Variants in MS4A1 observed in about 807,000 individuals in gnomAD.
The protein encoded by MS4A1 is membrane spanning 4-domains A1.
In MS4A1, 16 loss-of-function variants were observed where a neutral mutation model predicts 26.5. The observed-to-expected ratio is 0.60, with a 90% confidence interval of 0.41 to 0.92. MS4A1 has a LOEUF of 0.92. Ranked by LOEUF, MS4A1 falls within the 40% of genes least tolerant of loss-of-function variation. The probability of loss-of-function intolerance (pLI) is 0.00; values close to 1 mark genes in which losing one functional copy is unlikely to be tolerated. For missense variants in MS4A1, 350 were observed against 353.0 expected, an observed-to-expected ratio of 0.99 and a Z score of 0.07; for synonymous variants, 128 against 117.6, an observed-to-expected ratio of 1.09 and a Z score of -0.57.
At position 60,469,364 on chromosome 11, in the gene MS4A1, C is replaced by G. The variant is rs1323022854; in HGVS notation, c.*896C>G. 1.3e-5 allele frequency: 2 copies of G among 152,066 alleles called. No individual in the cohort carries two copies. The highest frequency in any genetic ancestry group is 6.5e-5 in the Admixed American group (1 of 15,282). 9.4% of individuals were successfully genotyped at this position (152,066 alleles called of 1,614,324 possible). A position where few individuals can be genotyped will look rare whatever the true frequency, so the allele number is the denominator to read the frequency against. Reference sequence around the variant, plus strand: ...TCAAAGAGGCCAAATAACTTGTAAACAAGAAAAGGTAACTTGTCAACAGTC... The same window carrying G: ...TCAAAGAGGCCAAATAACTTGTAAAGAAGAAAAGGTAACTTGTCAACAGTC... On this transcript the variant is annotated 3_prime_UTR_variant, in exon 8 of 8. Transcript: ENST00000345732.
intron 5 of MS4A1, among the ~76,000 whole-genome samples, chr11:60,465,001 A>T (rs2086279134): frequency 6.6e-6 from 1 of 152,194 alleles, no homozygotes; most frequent in South Asian, 2.1e-4. Flanking sequence ...CACTGTTACT[A>T]AACTGTGTCA....
At chr11:60,456,432 A>G (rs187469251) in intron 1 of MS4A1, among the ~76,000 whole-genome samples, 322 of 152,262 alleles carry the variant, frequency 2.1e-3, no homozygotes, top group African/African-American at 7.3e-3. Context: ...AATGAAAAAA[A>G]CTCCATTTGT....
At position 60,468,701 on chromosome 11, in the gene MS4A1, G is replaced by A. The variant is rs199983028; in HGVS notation, c.*233G>A. 1.8e-6 allele frequency: 1 copy of A among 549,688 alleles called. No homozygotes were observed. The highest frequency in any genetic ancestry group is 3.2e-6 in the Non-Finnish European group (1 of 308,892). The allele number at this position is 549,688 out of a possible 1,614,324, so 34.1% of individuals were successfully genotyped here. The stretch of plus-strand genomic sequence containing the variant: ...TTTTGAGCAACTTTCTTACACTGAA[G>A]AAAGGCAGAATGAGTGCTTCAGAAT... On this transcript the variant is annotated 3_prime_UTR_variant, in exon 8 of 8. Transcript: ENST00000345732.
chr11:60,466,252 G>A, intron 6 of MS4A1, 95 bp downstream of exon 6: 1 of 994,282 alleles, frequency 1.0e-6, no homozygotes, highest in Non-Finnish European at 1.6e-6. Flanking sequence ...CAGACCACCT[G>A]AGTTTGCTAG....
chr11:60,468,118 C>A, intron 7 of MS4A1, 132 bp from the exon 8 acceptor site: 2 of 823,018 alleles, frequency 2.4e-6, no homozygotes, highest in South Asian at 1.7e-5. Flanking sequence ...AAAATTTTGG[C>A]ATTTAAAGGC....
chr11:60,463,288 C>T (rs1163429137), intron 4 of MS4A1, among the ~76,000 whole-genome samples, 167 bp downstream of exon 4: 3 of 152,016 alleles, frequency 2.0e-5, no homozygotes, highest in African/African-American at 7.2e-5. Flanking sequence ...AGTATAAATC[C>T]CATGGTTGAG....
rs777484464 is a variant in MS4A1 at position 60,466,051 on chromosome 11, G to A, written c.467G>A (p.Arg156Lys). The A allele has an allele frequency of 6.2e-7, 1 of 1,613,796 alleles. No individual in the cohort carries two copies. The highest frequency in any genetic ancestry group is 1.1e-5 in the South Asian group (1 of 91,056). Reference protein sequence around the residue: ...FLKMESLNFIRAHTPYINIYN... With the variant: ...FLKMESLNFIKAHTPYINIYN... ...AAAATGGAGAGTCTGAATTTTATTA[G>A]AGCTCACACACCATATATTAACATA... Residue 156 changes from arginine to lysine, a missense_variant, in exon 6 of 8, where the codon AGA (arginine) becomes AAA (lysine). Transcript: ENST00000345732.
Position 60,468,226 on chromosome 11 carries a change from GGTTT to G in MS4A1, c.676-19_676-16del. On this transcript the variant is annotated intron_variant, in intron 7 of 7. Transcript: ENST00000345732. Reference sequence around the variant, plus strand: ...GGTGTCAGTGGTAAAAGTAAAGAATGGTTTGTTTAATTTTCTGTTTTAGAACATA... The same window carrying G: ...GGTGTCAGTGGTAAAAGTAAAGAATGGTTTAATTTTCTGTTTTAGAACATA... 2 of 1,549,848 alleles carry G rather than the reference GGTTT, an allele frequency of 1.3e-6. No homozygotes were observed. The highest frequency in any genetic ancestry group is 1.8e-6 in the Non-Finnish European group (2 of 1,127,038).
chr11:60,466,880 A>G, intron 6 of MS4A1, 79 bp from the exon 7 acceptor site: 1 of 1,366,672 alleles, frequency 7.3e-7, no homozygotes, highest in Admixed American at 1.7e-5. Flanking sequence ...AATTATAGTC[A>G]ACAATAACTT....
intron 5 of MS4A1, 72 bp downstream of exon 5, chr11:60,464,416 C>T: frequency 7.4e-7 from 1 of 1,350,846 alleles, no homozygotes; most frequent in Admixed American, 1.7e-5. Context: ...AAACTGAGAC[C>T]CTTAAAAAGC....
chr11:60,463,142 C>T, intron 4 of MS4A1, 21 bp downstream of exon 4: 1 of 1,614,062 alleles, frequency 6.2e-7, no homozygotes, highest in Non-Finnish European at 8.5e-7. Context: ...GAATAGCAGC[C>T]ATTTGGGAAA....
At chr11:60,457,592 A>G (rs1234533360) in intron 1 of MS4A1, among the ~76,000 whole-genome samples, 2 of 152,216 alleles carry the variant, frequency 1.3e-5, no homozygotes, top group Non-Finnish European at 2.9e-5. Flanking sequence ...TGACTGACCA[A>G]CAGCCAAGAT....
At chr11:60,459,671 T>C (rs2086232257) in intron 1 of MS4A1, among the ~76,000 whole-genome samples, 1 of 152,146 alleles carries the variant, frequency 6.6e-6, no homozygotes, top group South Asian at 2.1e-4. Flanking sequence ...TCTTGTAGAG[T>C]GGCTTGTTGT....
chr11:60,459,519 C>T (rs2086231110), intron 1 of MS4A1, among the ~76,000 whole-genome samples: 1 of 152,192 alleles, frequency 6.6e-6, no homozygotes, highest in African/African-American at 2.4e-5. Context: ...AAATTCTATA[C>T]CCAGACTGCA....
chr11:60,466,844 C>A, intron 6 of MS4A1, 115 bp from the exon 7 acceptor site: 1 of 1,003,028 alleles, frequency 1.0e-6, no homozygotes, highest in Non-Finnish European at 1.6e-6. Flanking sequence ...CATTACTTGT[C>A]TAAAGAATTG....
rs1023298897 is a variant in MS4A1, at chr11:60,470,009, T to C, written c.*1541T>C. Reference sequence around the variant, plus strand: ...GAAGATTTCTGTCTATGTAAAGTTCTCAAAATTTGTTCTAAATTAATAAAA... The same window carrying C: ...GAAGATTTCTGTCTATGTAAAGTTCCCAAAATTTGTTCTAAATTAATAAAA... On this transcript the variant is annotated 3_prime_UTR_variant, in exon 8 of 8. Transcript: ENST00000345732. 6.6e-6 allele frequency: 1 copy of C among 152,138 alleles called. No homozygotes were observed. The highest frequency in any genetic ancestry group is 1.5e-5 in the Non-Finnish European group (1 of 67,966). 9.4% of individuals were successfully genotyped at this position (152,138 alleles called of 1,614,324 possible). A position where few individuals can be genotyped will look rare whatever the true frequency, so the allele number is the denominator to read the frequency against.
At chr11:60,456,677 C>G (rs1006574023) in intron 1 of MS4A1, among the ~76,000 whole-genome samples, 1 of 152,164 alleles carries the variant, frequency 6.6e-6, no homozygotes, top group Non-Finnish European at 1.5e-5. Flanking sequence ...TTTCTGAATC[C>G]AGTATATAAG....
Position 60,462,301 on chromosome 11 carries a change from A to G in MS4A1, c.-74A>G. The G allele has an allele frequency of 2.6e-6, 4 of 1,533,144 alleles. No individual in the cohort carries two copies. Among genetic ancestry groups the G allele is most frequent in the Non-Finnish European group, 3.6e-6 (4 of 1,107,912 alleles). 95.0% of individuals were successfully genotyped at this position (1,533,144 alleles called of 1,614,324 possible). ...AGCATTCAGATGCATGACACAAGGT[A>G]AGACTGCCAAAAATCTTGTTCTTGC... On this transcript the variant is annotated 5_prime_UTR_variant, in exon 3 of 8. An upstream open reading frame in the 5' UTR loses its in-frame stop. Coordinates refer to ENST00000345732, the MANE Select transcript of MS4A1 (RefSeq NM_152866.3).
rs35257728 is a variant in MS4A1, at chr11:60,470,339, G to GA, written c.*1878dup. 15 of 151,828 alleles carry GA rather than the reference G, an allele frequency of 9.9e-5. No homozygotes were observed. Among genetic ancestry groups the GA allele is most frequent in the African/African-American group, 3.4e-4 (14 of 41,462 alleles). 9.4% of individuals were successfully genotyped at this position (151,828 alleles called of 1,614,324 possible). ...AAGGACATAGTAGGAGCAGGCCTGA[G>GA]AAAAAAATGAAAGTCAGAAATCTTT... On this transcript the variant is annotated 3_prime_UTR_variant, in exon 8 of 8. Coordinates refer to ENST00000345732, the MANE Select transcript of MS4A1 (RefSeq NM_152866.3).
Sources: allele counts gnomAD v4.1 joint callset (sites outside exome capture counted in the v4.1 genomes callset), GRCh38; gene constraint gnomAD v4.1.1; transcripts MANE v1.5; gene names NCBI Gene and HGNC (gene_info 2026-07-23, HGNC 2026-07-21).